The following CACNA1C variants were observed in gnomAD, a reference collection of about 807,000 sequenced individuals.
CACNA1C encodes the protein calcium voltage-gated channel subunit alpha1 C, also known as voltage-dependent L-type calcium channel subunit alpha-1C.
In CACNA1C, 30 loss-of-function variants were observed where a neutral mutation model predicts 229.0. The ratio of observed to expected loss-of-function variants is 0.13; its 90% CI spans 0.10 to 0.18. CACNA1C has a LOEUF of 0.18. Among genes scored for constraint, CACNA1C ranks in the 10% least tolerant of loss-of-function variants. CACNA1C has a pLI of 1.00. For missense variants in CACNA1C, 1,658 were observed against 2,845.0 expected, an observed-to-expected ratio of 0.58 and a Z score of 9.49; for synonymous variants, 1,114 against 1,132.5, an observed-to-expected ratio of 0.98 and a Z score of 0.33.
chr12:2,195,867 C>A (rs2097385180), intron 3 of CACNA1C, among the ~76,000 whole-genome samples: 1 of 152,174 alleles, frequency 6.6e-6, no homozygotes, highest in South Asian at 2.1e-4. Flanking sequence ...TAGTCCACTC[C>A]TTCATTTTAT....
At chr12:2,443,625 A>G (rs1387580437) in intron 3 of CACNA1C, among the ~76,000 whole-genome samples, 2 of 152,180 alleles carry the variant, frequency 1.3e-5, no homozygotes, top group African/African-American at 2.4e-5. Flanking sequence ...TGCCTTCTCA[A>G]TGAGCTCTGT....
chr12:1,999,449 T>C (rs2041677053), intron 1 of CACNA1C, among the ~76,000 whole-genome samples: 1 of 152,214 alleles, frequency 6.6e-6, no homozygotes, highest in Non-Finnish European at 1.5e-5. Context: ...CAGTGGCTCA[T>C]GTCTGTAATC....
At chr12:2,490,036 C>T (rs550345739) in intron 6 of CACNA1C, among the ~76,000 whole-genome samples, 10 of 152,350 alleles carry the variant, frequency 6.6e-5, no homozygotes, top group Admixed American at 6.5e-4. Context: ...CACATTTTTT[C>T]AAGTGTTCGC....
chr12:2,364,740 A>C (rs1393740408), intron 3 of CACNA1C, among the ~76,000 whole-genome samples: 3 of 152,126 alleles, frequency 2.0e-5, no homozygotes, highest in Non-Finnish European at 4.4e-5. Flanking sequence ...GAGAAAGACC[A>C]GTCATTTCGG....
intron 3 of CACNA1C, among the ~76,000 whole-genome samples, chr12:2,448,102 G>A (rs751342139): frequency 1.3e-5 from 2 of 152,340 alleles, no homozygotes; most frequent in East Asian, 3.9e-4. Flanking sequence ...GGCGAGGGAC[G>A]TGCATGAATC....
At position 2,056,196 on chromosome 12, in the gene CACNA1C, A is replaced by AGAGT. The variant is rs1248520689; in HGVS notation, c.49+2586_49+2587insAGTG. ...GTGTGTGCATGTGTGAGTGTGTGTG[A>AGAGT]GTGTGTGTGTGTGTGTGTGTGTGTG... On this transcript the variant is annotated intron_variant, in intron 1 of 46. Transcript: ENST00000399655. Among the ~76,000 whole-genome samples, 3 of 146,014 alleles carry AGAGT rather than the reference A, an allele frequency of 2.1e-5. No homozygotes were observed. The South Asian group carries it at 6.8e-4, about 33-fold the overall frequency.
At chr12:2,342,171 A>G (rs1171465079) in intron 3 of CACNA1C, among the ~76,000 whole-genome samples, 1 of 152,204 alleles carries the variant, frequency 6.6e-6, no homozygotes, top group Admixed American at 6.5e-5. Flanking sequence ...GTGTCACCCG[A>G]CAGATTGCAG....
At chr12:2,042,035 A>C (rs1241442859) in intron 1 of CACNA1C, among the ~76,000 whole-genome samples, 1 of 152,262 alleles carries the variant, frequency 6.6e-6, no homozygotes, top group Non-Finnish European at 1.5e-5. Flanking sequence ...AAATCTTGAC[A>C]GTTTAACATA....
chr12:2,072,228 T>C (rs576212098), intron 1 of CACNA1C, among the ~76,000 whole-genome samples: 181 of 152,034 alleles, frequency 1.2e-3, no homozygotes, highest in Admixed American at 2.3e-3. Context: ...AAACAGAGTC[T>C]CGCTGTGTCA....
intron 1 of CACNA1C, among the ~76,000 whole-genome samples, chr12:2,114,841 C>T (rs759082598): frequency 1.8e-4 from 27 of 152,158 alleles, no homozygotes; most frequent in Admixed American, 6.5e-4. Flanking sequence ...TCATTCTATT[C>T]GATTTCATGA....
chr12:2,090,357 A>G (rs1353575726), intron 1 of CACNA1C, among the ~76,000 whole-genome samples: 4 of 112,318 alleles, frequency 3.6e-5, no homozygotes, highest in South Asian at 5.9e-4. Flanking sequence ...TTGCTCTGTC[A>G]CCCAGGCTGG....
chr12:2,203,304 T>C (rs981188392), intron 3 of CACNA1C, among the ~76,000 whole-genome samples: 1 of 152,174 alleles, frequency 6.6e-6, no homozygotes, highest in African/African-American at 2.4e-5. Flanking sequence ...GACTTTTCCT[T>C]CTTACAGTCC....
intron 3 of CACNA1C, among the ~76,000 whole-genome samples, chr12:2,156,323 T>C (rs1315665005): frequency 6.6e-6 from 1 of 152,118 alleles, no homozygotes; most frequent in Non-Finnish European, 1.5e-5. Context: ...GACATGGAAA[T>C]CAGAAAAAAG....
intron 3 of CACNA1C, among the ~76,000 whole-genome samples, chr12:2,179,610 T>C (rs2096771429): frequency 6.6e-6 from 1 of 152,182 alleles, no homozygotes; most frequent in African/African-American, 2.4e-5. Context: ...TGCTAGAATA[T>C]TGGCTCCAGA....
At chr12:1,989,189 G>T (rs1046762253) in intron 1 of CACNA1C, among the ~76,000 whole-genome samples, 1 of 152,118 alleles carries the variant, frequency 6.6e-6, no homozygotes, top group Non-Finnish European at 1.5e-5. Flanking sequence ...TTTGAAACCA[G>T]CCTGGGAAAC....
chr12:2,522,414 C>A (rs1427414068), intron 9 of CACNA1C, among the ~76,000 whole-genome samples: 11 of 152,184 alleles, frequency 7.2e-5, no homozygotes, highest in Admixed American at 7.2e-4. Context: ...ATATTCATAC[C>A]TAGTTGGCCA....
intron 2 of CACNA1C, among the ~76,000 whole-genome samples, chr12:2,119,495 C>T (rs113716242): frequency 0.013 from 1,970 of 152,320 alleles, 50 homozygotes; most frequent in African/African-American, 0.045. Flanking sequence ...CTCTTGAGAG[C>T]GTGTCCTGCC....
At chr12:2,088,576 CTGGCCCACAGGGAGTACT>C (rs2068669307) in intron 1 of CACNA1C, among the ~76,000 whole-genome samples, 3 of 152,198 alleles carry the variant, frequency 2.0e-5, no homozygotes, top group Admixed American at 2.0e-4. Flanking sequence ...AGAACAGGGT[CTGGCCCACAGGGAGTACT>C]CTGCAAGTAT....
intron 13 of CACNA1C, among the ~76,000 whole-genome samples, chr12:2,578,089 C>G (rs1055437061): frequency 4.0e-5 from 6 of 151,860 alleles, no homozygotes; most frequent in African/African-American, 1.5e-4. Flanking sequence ...AGGATGGTCT[C>G]GATCTCCTGA....
Sources: gnomAD v4.1 joint callset for allele counts (sites outside exome capture counted in the v4.1 genomes callset) on GRCh38, gnomAD v4.1.1 for gene constraint, MANE v1.5 for transcripts, NCBI Gene and HGNC (gene_info 2026-07-23, HGNC 2026-07-21) for gene names.